SEPTIN4: variants seen among roughly 807,000 people sequenced by gnomAD.
SEPTIN4 encodes septin-4.
A neutral mutation model predicts 107.1 loss-of-function variants in SEPTIN4; 52 were observed. The ratio of observed to expected loss-of-function variants is 0.49; its 90% CI spans 0.39 to 0.61. The LOEUF is 0.61. SEPTIN4 is among the 20% of genes least tolerant of loss of function. SEPTIN4 has a pLI of 0.00. For synonymous variants in SEPTIN4, 417 were observed against 467.0 expected (o/e 0.89, Z 1.38); for missense variants, 1,048 against 1,243.5 (o/e 0.84, Z 2.36).
At chr17:58,529,521 T>A in intron 3 of SEPTIN4, 3 of 754,072 alleles carry the variant, frequency 4.0e-6, no homozygotes, top group Non-Finnish European at 4.8e-6. Context: ...AGCACCAACC[T>A]CCCAATGTCT....
intron 7 of SEPTIN4, among the ~76,000 whole-genome samples, chr17:58,524,436 G>A (rs2042603679): frequency 6.6e-6 from 1 of 151,996 alleles, no homozygotes; most frequent in Admixed American, 6.6e-5. Context: ...CAACAAGATT[G>A]TGTGCGGCAC....
intron 3 of SEPTIN4, among the ~76,000 whole-genome samples, chr17:58,537,190 C>T (rs2043741072): frequency 6.6e-6 from 1 of 152,220 alleles, no homozygotes; most frequent in Non-Finnish European, 1.5e-5. Flanking sequence ...GAGGGAGTAA[C>T]CTGCCCAGGT....
chr17:58,529,386 T>G, intron 3 of SEPTIN4: 2 of 1,420,960 alleles, frequency 1.4e-6, no homozygotes, highest in Non-Finnish European at 1.8e-6. Context: ...TCTCCTCCCC[T>G]TCCCTTGGCT....
intron 3 of SEPTIN4, chr17:58,529,006 C>T (rs2043217099): frequency 2.2e-6 from 3 of 1,361,124 alleles, no homozygotes; most frequent in Non-Finnish European, 3.1e-6. Flanking sequence ...TCCATCCCCA[C>T]TCCCAGCTCT....
At chr17:58,527,077 G>A in intron 3 of SEPTIN4, 99 bp from the exon 4 acceptor site, 7 of 1,579,656 alleles carry the variant, frequency 4.4e-6, no homozygotes, top group Non-Finnish European at 5.2e-6. Context: ...AAGGCAAGAG[G>A]GAAAGGGAAA....
chr17:58,540,134 T>C (rs2043837390), intron 3 of SEPTIN4, among the ~76,000 whole-genome samples: 1 of 152,140 alleles, frequency 6.6e-6, no homozygotes, highest in Non-Finnish European at 1.5e-5. Flanking sequence ...ATAGCCAAAG[T>C]ACTTATGGGA....
intron 3 of SEPTIN4, chr17:58,529,472 G>A: frequency 7.7e-7 from 1 of 1,300,112 alleles, no homozygotes; most frequent in Non-Finnish European, 9.9e-7. Flanking sequence ...CTGATTGGCT[G>A]TCCCATGACG....
rs772813534 is a variant in SEPTIN4 at position 58,544,068 on chromosome 17, C to T, written c.119G>A (p.Arg40Gln). Reference protein sequence around the residue: ...GHGYVLASSHRSAAVSLNPSH... With the variant: ...GHGYVLASSHQSAAVSLNPSH... ...AGGGTTCAGGGAGACTGCAGCACTT[C>T]GATGGCTTGAGGCAAGAACGTACCC... Residue 40 changes from arginine (R) to glutamine (Q), a missense_variant, in exon 1 of 14, where the codon CGA becomes CAA. Arg to Gln is a conservative substitution (Grantham distance 43). Coordinates refer to ENST00000672673, the MANE Select transcript of SEPTIN4 (RefSeq NM_001368771.2). 81 of 1,613,902 alleles carry T rather than the reference C, an allele frequency of 5.0e-5. No homozygotes were observed. The highest frequency in any genetic ancestry group is 6.5e-5 in the Non-Finnish European group (77 of 1,180,030).
At position 58,525,196 on chromosome 17, in the gene SEPTIN4, T is replaced by A. The variant is rs1156346868; in HGVS notation, c.2098A>T (p.Ile700Phe). The change falls in exon 7 of 14, where the codon ATC becomes TTC. Residue 700 changes from isoleucine (I) to phenylalanine (F), a missense_variant. By Grantham distance (21) the Ile-to-Phe change is conservative. Coordinates refer to ENST00000672673, the MANE Select transcript of SEPTIN4 (RefSeq NM_001368771.2). ...DRKLLGAEER[I>F]MQTVEITKHA... ...TTAGTGATCTCCACAGTTTGCATGA[T>A]CCTCTCTGGAGAAAGGGGAAACTGA... The A allele has an allele frequency of 6.2e-7, 1 of 1,613,894 alleles. No individual in the cohort carries two copies.
rs376003093 is a variant in SEPTIN4, at chr17:58,520,476, T to A, written c.2941A>T (p.Met981Leu). 2.7e-5 allele frequency: 44 copies of A among 1,613,584 alleles called. No homozygotes were observed. The highest frequency in any genetic ancestry group is 3.6e-5 in the Non-Finnish European group (42 of 1,180,016). Residue 981 changes from methionine (M) to leucine (L), a missense_variant, in exon 14 of 14, where the codon ATG becomes TTG. Met to Leu is a conservative substitution (Grantham distance 15). Transcript: ENST00000672673. Reference protein sequence around the residue: ...IREKDEELRRMQEMLHKIQKQ... With the variant: ...IREKDEELRRLQEMLHKIQKQ... ...TGTATTTTGTGTAGCATCTCCTGCA[T>A]CCGCCGCAGCTGGAATAGGCACAGG...
rs1598326077 is a variant in SEPTIN4, at chr17:58,544,113, G to A, written c.74C>T (p.Thr25Ile). The change falls in exon 1 of 14, where the codon ACA (threonine) becomes ATA (isoleucine). Residue 25 changes from threonine (T) to isoleucine (I), a missense_variant. Thr to Ile is a moderately conservative substitution (Grantham distance 89). Transcript: ENST00000672673. ...GTACCCATGTCCCTGCTGAGGGGAT[G>A]TGTTAGTAGTAACCTCAGACCCTCT... Reference protein sequence around the residue: ...AQRGSEVTTNTSPQQGHGYVL... With the variant: ...AQRGSEVTTNISPQQGHGYVL... The A allele has an allele frequency of 5.0e-6, 8 of 1,614,170 alleles. No homozygotes were observed. The African/African-American group carries it at 5.3e-5, about 11-fold the overall frequency.
At chr17:58,539,483 G>A (rs1473623158) in intron 3 of SEPTIN4, among the ~76,000 whole-genome samples, 1 of 152,106 alleles carries the variant, frequency 6.6e-6, no homozygotes, top group Admixed American at 6.5e-5. Flanking sequence ...AACCTGATCC[G>A]CTACCCATCT....
intron 3 of SEPTIN4, among the ~76,000 whole-genome samples, chr17:58,536,767 G>T (rs1439893337): frequency 6.6e-6 from 1 of 152,208 alleles, no homozygotes; most frequent in African/African-American, 2.4e-5. Flanking sequence ...AGGCAGCTGA[G>T]CAGAGGAGGG....
rs1253973903 is a variant in SEPTIN4, at chr17:58,542,922, C to G, written c.1265G>C (p.Gly422Ala). The G allele has an allele frequency of 6.2e-7, 1 of 1,614,172 alleles. No individual in the cohort carries two copies. The highest frequency in any genetic ancestry group is 2.2e-5 in the East Asian group (1 of 44,882). Reference sequence around the variant, plus strand: ...CAAGGGCCACCATGAGGAGTCAGGTCCGTACCTAGGTAAGGACCGAGGAGG... The same window carrying G: ...CAAGGGCCACCATGAGGAGTCAGGTGCGTACCTAGGTAAGGACCGAGGAGG... ...PLPPRSLPRY[G>A]PDSSWWPLLN... The change falls in exon 1 of 14, where the codon GGA (glycine) becomes GCA (alanine). Residue 422 changes from glycine (G) to alanine (A), a missense_variant. Transcript: ENST00000672673.
At chr17:58,536,750 G>A (rs1015246861) in intron 3 of SEPTIN4, among the ~76,000 whole-genome samples, 2 of 152,214 alleles carry the variant, frequency 1.3e-5, no homozygotes, top group African/African-American at 4.8e-5. Flanking sequence ...AACAGCAGCT[G>A]AGCCAAAGGC....
intron 6 of SEPTIN4, 141 bp from the exon 7 acceptor site, chr17:58,525,342 T>C (rs2042731996): frequency 2.0e-6 from 2 of 1,020,146 alleles, no homozygotes; most frequent in Non-Finnish European, 2.9e-6. Flanking sequence ...TCTGGGGGAC[T>C]GTTCTCTGGG....
intron 1 of SEPTIN4, among the ~76,000 whole-genome samples, chr17:58,542,406 G>A (rs2043905200): frequency 2.0e-5 from 3 of 152,164 alleles, no homozygotes; most frequent in African/African-American, 7.2e-5. Flanking sequence ...GTCAATGCCT[G>A]TCGCCCGGCC....
intron 3 of SEPTIN4, chr17:58,532,030 G>A: frequency 1.8e-6 from 2 of 1,128,388 alleles, no homozygotes; most frequent in Non-Finnish European, 2.2e-6. Flanking sequence ...GGAGCTGCGC[G>A]CCGACCTCGC....
rs894354519 is a variant in SEPTIN4 at position 58,529,238 on chromosome 17, C to A, written c.1615-2260G>T. 1.4e-5 allele frequency: 22 copies of A among 1,613,738 alleles called. No individual in the cohort carries two copies. In the South Asian group the frequency reaches 1.9e-4, roughly 14 times the overall value. ...CTAATTTTATCTCCCAGGCAAAGTT[C>A]CTCACACACAGAAACAGCCTTGTTT... is the stretch of plus-strand genomic sequence containing the variant. On this transcript the variant is annotated intron_variant, in intron 3 of 13. Coordinates refer to ENST00000672673, the MANE Select transcript of SEPTIN4 (RefSeq NM_001368771.2).
Sources: allele counts gnomAD v4.1 joint callset (sites outside exome capture counted in the v4.1 genomes callset), GRCh38; gene constraint gnomAD v4.1.1; transcripts MANE v1.5; gene names NCBI Gene and HGNC (gene_info 2026-07-23, HGNC 2026-07-21).